ST13: variants seen among roughly 807,000 people sequenced by gnomAD.
The protein encoded by ST13 is ST13 Hsp70 interacting protein, also known as hsc70-interacting protein.
ST13 carries 23 observed loss-of-function variants against 56.7 expected under a neutral mutation model. The ratio of observed to expected loss-of-function variants is 0.41; its 90% CI spans 0.29 to 0.57. ST13 has a LOEUF of 0.57. Among genes scored for constraint, ST13 ranks in the 20% least tolerant of loss-of-function variants. ST13 has a pLI of 0.36. For missense variants in ST13, 369 were observed against 459.9 expected (o/e 0.80, Z 1.81); for synonymous variants, 132 against 142.4 (o/e 0.93, Z 0.52).
At chr22:40,844,415 CTA>C (rs1485391435) in intron 4 of ST13, among the ~76,000 whole-genome samples, 8 of 152,100 alleles carry the variant, frequency 5.3e-5, no homozygotes, top group Admixed American at 2.0e-4. Flanking sequence ...TATTAATATT[CTA>C]TGAGTCTTTG....
intron 8 of ST13, 57 bp from the exon 9 acceptor site, chr22:40,831,013 A>C (rs1453347718): frequency 1.3e-5 from 14 of 1,082,524 alleles, no homozygotes; most frequent in Middle Eastern, 2.0e-4. Context: ...TAACATCAAC[A>C]CAAATATTCT....
rs759420567 is a variant in ST13, at chr22:40,856,513, G to A, written c.28C>T (p.Arg10Trp). 13 of 1,612,890 alleles carry A rather than the reference G, an allele frequency of 8.1e-6. No individual in the cohort carries two copies. Among genetic ancestry groups the A allele is most frequent in the Admixed American group, 5.0e-5 (3 of 59,990 alleles). MDPRKVNEL[R>W]AFVKMCKQDP... Reference sequence around the variant, plus strand: ...TGCTTACACATTTTCACAAAGGCCCGAAGCTCGTTCACTTTGCGGGGGTCC... The same window carrying A: ...TGCTTACACATTTTCACAAAGGCCCAAAGCTCGTTCACTTTGCGGGGGTCC... The change falls in exon 1 of 12, where the codon CGG becomes TGG. Residue 10 changes from arginine to tryptophan, a missense_variant. This residue lies in a region of ST13 where 169 missense variants were observed against 175.6 expected (regional missense o/e 0.96). Transcript: ENST00000216218.
chr22:40,824,644 T>C lies in ST13; in HGVS notation c.*1894A>G, dbSNP rs547975476. 7.9e-5 allele frequency: 12 copies of C among 152,308 alleles called. No homozygotes were observed. Among genetic ancestry groups the C allele is most frequent in the African/African-American group, 2.4e-4 (10 of 41,560 alleles). The allele number at this position is 152,308 out of a possible 1,614,324, so 9.4% of individuals were successfully genotyped here. A position where few individuals can be genotyped will look rare whatever the true frequency, so the allele number is the denominator to read the frequency against. On this transcript the variant is annotated 3_prime_UTR_variant, in exon 12 of 12. Coordinates refer to ENST00000216218, the MANE Select transcript of ST13 (RefSeq NM_003932.5). The stretch of plus-strand genomic sequence containing the variant: ...TACCCACTTATGGTAATATTTGCAA[T>C]ATTAGAATATAATTAGGTTAAATAA...
intron 5 of ST13, among the ~76,000 whole-genome samples, chr22:40,839,763 A>G (rs544700452): frequency 9.2e-5 from 14 of 152,244 alleles, no homozygotes; most frequent in South Asian, 8.3e-4. Flanking sequence ...CTCTGTCTCA[A>G]AAATAAAAAA....
intron 1 of ST13, among the ~76,000 whole-genome samples, 200 bp from the exon 2 acceptor site, chr22:40,851,080 T>C (rs981474466): frequency 2.0e-5 from 3 of 152,212 alleles, no homozygotes; most frequent in Non-Finnish European, 2.9e-5. Context: ...TTAAGGCTAC[T>C]GGCTAATGAA....
Position 40,825,951 on chromosome 22 carries a change from C to A in ST13, c.*587G>T, listed in dbSNP as rs1357988104. On this transcript the variant is annotated 3_prime_UTR_variant, in exon 12 of 12. Transcript: ENST00000216218. Reference sequence around the variant, plus strand: ...AGGATGCATGTTATATCAAACACAGCAAGATTGCTGCTGCCCTGCCAAGTA... The same window carrying A: ...AGGATGCATGTTATATCAAACACAGAAAGATTGCTGCTGCCCTGCCAAGTA... 6.5e-6 allele frequency: 1 copy of A among 152,698 alleles called. No individual in the cohort carries two copies. Among genetic ancestry groups the A allele is most frequent in the South Asian group, 2.1e-4 (1 of 4,830 alleles). The allele number at this position is 152,698 out of a possible 1,614,324, so 9.5% of individuals were successfully genotyped here. A position where few individuals can be genotyped will look rare whatever the true frequency, so the allele number is the denominator to read the frequency against.
At chr22:40,845,731 A>ATG (rs1491181994) in intron 3 of ST13, among the ~76,000 whole-genome samples, 7 of 131,410 alleles carry the variant, frequency 5.3e-5, no homozygotes, top group African/African-American at 3.1e-4. Flanking sequence ...ATATATATAT[A>ATG]CACACACACA....
chr22:40,837,875 T>G (rs1395400019), intron 5 of ST13, among the ~76,000 whole-genome samples: 1 of 152,164 alleles, frequency 6.6e-6, no homozygotes, highest in South Asian at 2.1e-4. Context: ...CTTGGACTCT[T>G]GGACTCAAGA....
chr22:40,846,608 C>CTA (rs1399319447), intron 3 of ST13, among the ~76,000 whole-genome samples: 2 of 152,146 alleles, frequency 1.3e-5, no homozygotes, highest in African/African-American at 4.8e-5. Context: ...GAAAGTAAGA[C>CTA]TAAAGAGGCA....
At chr22:40,829,773 C>T (rs1602649098) in intron 9 of ST13, 99 bp from the exon 10 acceptor site, 1 of 548,912 alleles carries the variant, frequency 1.8e-6, no homozygotes, top group Non-Finnish European at 3.0e-6. Flanking sequence ...GTAAAATAAC[C>T]TAGTAGATGG....
At chr22:40,834,424 G>A (rs927258801) in intron 7 of ST13, among the ~76,000 whole-genome samples, 1 of 151,962 alleles carries the variant, frequency 6.6e-6, no homozygotes, top group Non-Finnish European at 1.5e-5. Flanking sequence ...TGTAAAACTA[G>A]GACAAAAATT....
intron 1 of ST13, among the ~76,000 whole-genome samples, chr22:40,851,740 A>G (rs1172730358): frequency 6.6e-6 from 1 of 151,728 alleles, no homozygotes; most frequent in African/African-American, 2.4e-5. Context: ...TTGAAAACAG[A>G]AAGGGTTCTT....
Position 40,856,599 on chromosome 22 carries a change from T to C in ST13, c.-59A>G. The C allele has an allele frequency of 7.0e-7, 1 of 1,433,172 alleles. No homozygotes were observed. The highest frequency in any genetic ancestry group is 2.3e-5 in the East Asian group (1 of 43,968). 88.8% of individuals were successfully genotyped at this position (1,433,172 alleles called of 1,614,324 possible). A position where few individuals can be genotyped will look rare whatever the true frequency, so the allele number is the denominator to read the frequency against. ...ACGGCCCGGTTCCAGGCCCAGGCGC[T>C]GGCTCGGCGTGACCGCGCAGAAGGG... On this transcript the variant is annotated 5_prime_UTR_variant, in exon 1 of 12. Coordinates refer to ENST00000216218, the MANE Select transcript of ST13 (RefSeq NM_003932.5).
rs777426768 is a variant in ST13, at chr22:40,856,575, C to T, written c.-35G>A. ...GTGGTGGGCGAAACTGGGGGGGCTACGGCCCGGTTCCAGGCCCAGGCGCTG... is the reference window on the plus strand; with the variant it reads ...GTGGTGGGCGAAACTGGGGGGGCTATGGCCCGGTTCCAGGCCCAGGCGCTG... On this transcript the variant is annotated 5_prime_UTR_variant, in exon 1 of 12. Transcript: ENST00000216218. 1.3e-6 allele frequency: 2 copies of T among 1,573,160 alleles called. No individual in the cohort carries two copies. The highest frequency in any genetic ancestry group is 1.7e-6 in the Non-Finnish European group (2 of 1,145,582).
intron 2 of ST13, among the ~76,000 whole-genome samples, chr22:40,848,625 C>T (rs2145748418): frequency 6.6e-6 from 1 of 152,220 alleles, no homozygotes; most frequent in East Asian, 1.9e-4. Context: ...CGCTTGTAAT[C>T]CCAGCCACTT....
chr22:40,842,860 A>AC (rs2057811156), intron 4 of ST13, among the ~76,000 whole-genome samples: 1 of 152,246 alleles, frequency 6.6e-6, no homozygotes, highest in East Asian at 1.9e-4. Context: ...ACAAAAATGC[A>AC]CAAGACTTAC....
At chr22:40,849,756 G>C (rs1372720637) in intron 2 of ST13, among the ~76,000 whole-genome samples, 3 of 151,976 alleles carry the variant, frequency 2.0e-5, no homozygotes, top group Non-Finnish European at 4.4e-5. Context: ...TAAAAAAAAG[G>C]TAACTACTTT....
chr22:40,855,105 ATTG>A (rs752528177), intron 1 of ST13, among the ~76,000 whole-genome samples: 1 of 152,204 alleles, frequency 6.6e-6, no homozygotes, highest in African/African-American at 2.4e-5. Context: ...TTAGAACCAG[ATTG>A]TTGTTAAGAA....
In ST13 at chr22:40,826,482, A is replaced by G. The variant is rs975491044; in HGVS notation, c.*56T>C. Reference sequence around the variant, plus strand: ...ACTGGTTTGTATTATTGCGACATCCATAAGGTGATCTAGGTTGCTTTTCCT... The same window carrying G: ...ACTGGTTTGTATTATTGCGACATCCGTAAGGTGATCTAGGTTGCTTTTCCT... On this transcript the variant is annotated 3_prime_UTR_variant, in exon 12 of 12. Coordinates refer to ENST00000216218, the MANE Select transcript of ST13 (RefSeq NM_003932.5). 1.8e-5 allele frequency: 28 copies of G among 1,578,958 alleles called. No homozygotes were observed. The highest frequency in any genetic ancestry group is 2.2e-5 in the East Asian group (1 of 44,770).
Sources: allele counts gnomAD v4.1 joint callset (sites outside exome capture counted in the v4.1 genomes callset), GRCh38; gene constraint gnomAD v4.1.1; regional missense constraint gnomAD v4.1.1; transcripts MANE v1.5; gene names NCBI Gene and HGNC (gene_info 2026-07-23, HGNC 2026-07-21).